Variants in SOX6 observed in about 807,000 individuals in gnomAD.
SOX6 encodes transcription factor SOX-6.
A neutral mutation model predicts 97.8 loss-of-function variants in SOX6; 11 were observed. That is an observed-to-expected ratio of 0.11 (90% CI 0.07 to 0.19). The LOEUF is 0.19. Ranked by LOEUF, SOX6 falls within the 10% of genes least tolerant of loss-of-function variation. SOX6 has a pLI of 1.00. For synonymous variants in SOX6, 360 were observed against 371.4 expected (o/e 0.97, Z 0.35); for missense variants, 810 against 1,039.5 (o/e 0.78, Z 3.04).
chr11:16,101,888 T>C (rs2133981470), intron 7 of SOX6, among the ~76,000 whole-genome samples: 1 of 151,766 alleles, frequency 6.6e-6, no homozygotes, highest in Admixed American at 6.6e-5. Context: ...CTTAAAGCAA[T>C]AAAAGCCATC....
rs1422141745 is a variant in SOX6, at chr11:16,706,472, ATATATATATATATATAT to A, written n.429+8341_429+8357del. On this transcript the variant is annotated intron_variant and non_coding_transcript_variant, in intron 3 of 5. Coordinates refer to the SOX6 transcript ENST00000524520. ...CACAAAAAAAAAAAAAAAAAAAAAA[ATATATATATATATATAT>A]ATATATATATATATATATATATATA... Among the ~76,000 whole-genome samples the A allele has an allele frequency of 7.4e-3, 122 of 16,506 alleles. 33 individuals are homozygous for A. The highest frequency in any genetic ancestry group is 0.015 in the South Asian group (4 of 260). The allele number at this position is 16,506 out of a possible 152,430, so 10.8% of individuals were successfully genotyped here.
intron 2 of SOX6, among the ~76,000 whole-genome samples, chr11:16,328,113 G>C: frequency 6.6e-6 from 1 of 152,070 alleles, no homozygotes; most frequent in Admixed American, 6.6e-5. Flanking sequence ...TCCAATCATA[G>C]ATTTGCCCTG....
At chr11:16,718,089 G>A (rs1325059020) in intron 2 of SOX6, among the ~76,000 whole-genome samples, 1 of 150,614 alleles carries the variant, frequency 6.6e-6, no homozygotes, top group Non-Finnish European at 1.5e-5. Context: ...TATTTCTTTA[G>A]TCCTTGAAAG....
chr11:16,599,497 GA>G (rs1848245309), intron 4 of SOX6, among the ~76,000 whole-genome samples: 1 of 152,052 alleles, frequency 6.6e-6, no homozygotes, highest in African/African-American at 2.4e-5. Flanking sequence ...TCTATAAATG[GA>G]AAGAGATAAC....
At chr11:16,199,372 T>C (rs917449707) in intron 4 of SOX6, among the ~76,000 whole-genome samples, 1 of 152,210 alleles carries the variant, frequency 6.6e-6, no homozygotes, top group Non-Finnish European at 1.5e-5. Flanking sequence ...TTCGCATTTT[T>C]TCTCTACTGC....
chr11:16,390,413 T>C (rs184445213), intron 1 of SOX6, among the ~76,000 whole-genome samples: 20 of 152,318 alleles, frequency 1.3e-4, no homozygotes, highest in Admixed American at 1.1e-3. Context: ...GATAGTTGTG[T>C]TTTGTCCAGA....
At chr11:16,155,367 GAAT>G (rs1479931003) in intron 6 of SOX6, among the ~76,000 whole-genome samples, 1 of 152,118 alleles carries the variant, frequency 6.6e-6, no homozygotes, top group Non-Finnish European at 1.5e-5. Flanking sequence ...CTATAAAAGG[GAAT>G]AATATTACCT....
At chr11:16,432,341 A>C (rs1859286954) in intron 1 of SOX6, among the ~76,000 whole-genome samples, 1 of 152,158 alleles carries the variant, frequency 6.6e-6, no homozygotes, top group African/African-American at 2.4e-5. Context: ...ATGCCAAGTT[A>C]ATTACAGTCA....
chr11:16,562,777 T>C (rs571237881), intron 4 of SOX6, among the ~76,000 whole-genome samples: 3 of 152,230 alleles, frequency 2.0e-5, no homozygotes, highest in African/African-American at 4.8e-5. Flanking sequence ...ACTTTCATCA[T>C]TGACCAACAG....
intron 6 of SOX6, among the ~76,000 whole-genome samples, chr11:16,170,234 G>C (rs1850999238): frequency 1.3e-5 from 2 of 151,974 alleles, no homozygotes; most frequent in Non-Finnish European, 2.9e-5. Flanking sequence ...TTAGCAATGT[G>C]TATAAAACCT....
chr11:16,552,090 A>G (rs1324192543), intron 4 of SOX6, among the ~76,000 whole-genome samples: 1 of 133,194 alleles, frequency 7.5e-6, no homozygotes, highest in Non-Finnish European at 1.7e-5. Context: ...CAAATATTGT[A>G]TATTGTATAC....
At chr11:15,992,836 G>A (rs943597660) in intron 13 of SOX6, among the ~76,000 whole-genome samples, 1 of 152,098 alleles carries the variant, frequency 6.6e-6, no homozygotes, top group Non-Finnish European at 1.5e-5. Flanking sequence ...CAGAAAGATA[G>A]ATGTTTTCAA....
chr11:16,400,550 G>A (rs952444898), intron 1 of SOX6, among the ~76,000 whole-genome samples: 2 of 151,200 alleles, frequency 1.3e-5, no homozygotes, highest in Admixed American at 1.3e-4. Context: ...TCCATATGAT[G>A]GTATATGATG....
chr11:16,176,684 A>AT (rs2134091868), intron 6 of SOX6, among the ~76,000 whole-genome samples: 1 of 151,900 alleles, frequency 6.6e-6, no homozygotes, highest in Admixed American at 6.6e-5. Flanking sequence ...CAAATTTTCT[A>AT]TTTTTTCTAT....
At chr11:16,223,243 A>G (rs1270449810) in intron 4 of SOX6, among the ~76,000 whole-genome samples, 1 of 152,046 alleles carries the variant, frequency 6.6e-6, no homozygotes, top group African/African-American at 2.4e-5. Context: ...CAGTGACCCC[A>G]TTTCTCCCAC....
intron 12 of SOX6, among the ~76,000 whole-genome samples, chr11:16,039,246 T>A (rs1855594799): frequency 6.6e-6 from 1 of 152,116 alleles, no homozygotes; most frequent in Non-Finnish European, 1.5e-5. Context: ...AAAATTCTTT[T>A]TACATCAAGG....
chr11:16,477,782 ACTT>A (rs377419868), upstream of SOX6, among the ~76,000 whole-genome samples: 346 of 152,320 alleles, frequency 2.3e-3, 2 homozygotes, highest in African/African-American at 6.7e-3. Flanking sequence ...TACCCATTAG[ACTT>A]CTTCACTAGA....
At chr11:16,380,649 TG>T (rs1857783785) in intron 1 of SOX6, among the ~76,000 whole-genome samples, 38 of 152,100 alleles carry the variant, frequency 2.5e-4, no homozygotes, top group Admixed American at 2.5e-3. Context: ...AACTTATTGG[TG>T]TATTCTATCC....
Position 16,244,890 on chromosome 11 carries a change from G to A in SOX6, c.446-10219C>T, listed in dbSNP as rs974715508. ...GCCTTACAATAAGTTTTGAAATCACGTGGAATAAGAATTTGTTCTTCTATT... is the reference window on the plus strand; with the variant it reads ...GCCTTACAATAAGTTTTGAAATCACATGGAATAAGAATTTGTTCTTCTATT... On this transcript the variant is annotated intron_variant, in intron 3 of 15. Coordinates refer to ENST00000683767, the MANE Select transcript of SOX6 (RefSeq NM_001367873.1). Among the ~76,000 whole-genome samples, 15 of 151,762 alleles carry A rather than the reference G, an allele frequency of 9.9e-5. No individual in the cohort carries two copies. In the East Asian group the frequency reaches 1.3e-3, roughly 14 times the overall value.
Sources: allele counts gnomAD v4.1 joint callset (sites outside exome capture counted in the v4.1 genomes callset), GRCh38; gene constraint gnomAD v4.1.1; transcripts MANE v1.5; gene names NCBI Gene and HGNC (gene_info 2026-07-23, HGNC 2026-07-21).